The following MED13L variants were observed in gnomAD, a reference collection of about 807,000 sequenced individuals.
MED13L encodes the protein mediator of RNA polymerase II transcription subunit 13-like.
A neutral mutation model predicts 220.9 loss-of-function variants in MED13L; 7 were observed. The observed-to-expected ratio is 0.03, with a 90% CI of 0.02 to 0.06. MED13L has a LOEUF of 0.06. Ranked by LOEUF, MED13L falls within the 10% of genes least tolerant of loss-of-function variation. MED13L has a pLI of 1.00. For synonymous variants in MED13L, 1,011 were observed against 1,015.2 expected (o/e 1.00, Z 0.08); for missense variants, 1,965 against 2,760.5 (o/e 0.71, Z 6.46).
intron 16 of MED13L, among the ~76,000 whole-genome samples, chr12:115,994,464 A>AAAAAACAAAAAC (rs534564932): frequency 1.3e-5 from 2 of 152,054 alleles, no homozygotes; most frequent in Non-Finnish European, 2.9e-5. Flanking sequence ...AAACCCCCCC[A>AAAAAACAAAAAC]AAAAACAAAA....
chr12:116,160,585 TAA>T (rs113005311), intron 2 of MED13L, among the ~76,000 whole-genome samples: 10 of 139,630 alleles, frequency 7.2e-5, no homozygotes, highest in Admixed American at 1.4e-4. Context: ...AACTTTAATT[TAA>T]AAAAAAAAAA....
At chr12:116,276,260 G>A (rs945547605) in intron 1 of MED13L, among the ~76,000 whole-genome samples, 1 of 151,290 alleles carries the variant, frequency 6.6e-6, no homozygotes, top group Non-Finnish European at 1.5e-5. Flanking sequence ...CGCGAGAGAG[G>A]CGAAGGCAGA....
intron 20 of MED13L, 124 bp from the exon 21 acceptor site, chr12:115,983,664 C>T (rs1274299403): frequency 2.0e-6 from 2 of 1,004,446 alleles, no homozygotes; most frequent in East Asian, 2.6e-5. Context: ...GATTACAATA[C>T]CCAAAATACT....
At position 116,079,161 on chromosome 12, in the gene MED13L, GTTTA is replaced by G. The variant is rs1871039127; in HGVS notation, c.479+17504_479+17507del. Among the ~76,000 whole-genome samples, 6 of 152,216 alleles carry G rather than the reference GTTTA, an allele frequency of 3.9e-5. No individual in the cohort carries two copies. The South Asian group carries it at 1.2e-3, about 32-fold the overall frequency. On this transcript the variant is annotated intron_variant, in intron 4 of 30. Coordinates refer to ENST00000281928, the MANE Select transcript of MED13L (RefSeq NM_015335.5). ...AATCATTTATGTTAACATGCAGTGG[GTTTA>G]TTATTATTACTATTTTAAAAGTCAG...
In MED13L at chr12:116,009,040, G is replaced by T. The variant is rs1322901904; in HGVS notation, c.1373C>A (p.Ser458Tyr). Residue 458 changes from serine (S) to tyrosine (Y), a missense_variant, in exon 10 of 31, where the codon TCT becomes TAT. Transcript: ENST00000281928. ...GFSAGPSSSSSLPPPASSKHK... is the reference protein window; with the variant it reads ...GFSAGPSSSSYLPPPASSKHK... ...CTTAGAAGAAGCAGGAGGTGGTAAA[G>T]ATGAAGATGATGATGGTCCTGCACT... The T allele has an allele frequency of 6.2e-7, 1 of 1,614,140 alleles. No homozygotes were observed. The highest frequency in any genetic ancestry group is 8.5e-7 in the Non-Finnish European group (1 of 1,180,008).
intron 19 of MED13L, among the ~76,000 whole-genome samples, chr12:115,984,999 G>A (rs552437517): frequency 5.3e-5 from 8 of 152,036 alleles, no homozygotes; most frequent in Non-Finnish European, 1.2e-4. Context: ...AGGAGAGCCC[G>A]TATTATTATC....
At chr12:116,207,985 T>A (rs1008515834) in intron 2 of MED13L, among the ~76,000 whole-genome samples, 2 of 152,170 alleles carry the variant, frequency 1.3e-5, no homozygotes, top group African/African-American at 4.8e-5. Context: ...AGGGAACATG[T>A]TGTCATACCA....
At chr12:116,092,331 C>A (rs1333157084) in intron 4 of MED13L, among the ~76,000 whole-genome samples, 1 of 152,118 alleles carries the variant, frequency 6.6e-6, no homozygotes, top group Non-Finnish European at 1.5e-5. Context: ...TCTCTAAAAG[C>A]TAAATAACAC....
intron 2 of MED13L, among the ~76,000 whole-genome samples, chr12:116,158,293 T>C (rs1878597570): frequency 1.3e-5 from 2 of 152,164 alleles, no homozygotes; most frequent in Admixed American, 1.3e-4. Context: ...GGATGGGATA[T>C]TTGAGGCATT....
intron 2 of MED13L, among the ~76,000 whole-genome samples, chr12:116,220,666 T>C (rs1045689533): frequency 9.2e-5 from 14 of 152,174 alleles, no homozygotes; most frequent in African/African-American, 3.4e-4. Context: ...GCCATTGCAC[T>C]CCAGCCTAGG....
chr12:116,271,334 T>A (rs1357456271), intron 1 of MED13L, among the ~76,000 whole-genome samples: 1 of 152,064 alleles, frequency 6.6e-6, no homozygotes, highest in East Asian at 1.9e-4. Flanking sequence ...GGCACGCCTG[T>A]AATCCCAGCA....
At chr12:115,994,020 C>A (rs774272252) in intron 16 of MED13L, among the ~76,000 whole-genome samples, 30 of 152,164 alleles carry the variant, frequency 2.0e-4, no homozygotes, top group Non-Finnish European at 4.0e-4. Flanking sequence ...ATAAGGTAGC[C>A]ACCAGTCCCC....
At chr12:116,208,098 T>C (rs1290265483) in intron 2 of MED13L, among the ~76,000 whole-genome samples, 2 of 152,206 alleles carry the variant, frequency 1.3e-5, no homozygotes, top group Non-Finnish European at 1.5e-5. Flanking sequence ...AATTTAAACA[T>C]CGAGAAGGAT....
intron 2 of MED13L, among the ~76,000 whole-genome samples, chr12:116,215,330 A>G (rs899526010): frequency 1.3e-5 from 2 of 152,190 alleles, no homozygotes; most frequent in Admixed American, 1.3e-4. Context: ...GAAATCTGTT[A>G]CTACATATTC....
intron 2 of MED13L, among the ~76,000 whole-genome samples, chr12:116,148,989 T>G (rs1011529272): frequency 1.1e-4 from 16 of 152,150 alleles, no homozygotes; most frequent in African/African-American, 3.6e-4. Context: ...TCCCACCTAT[T>G]TGTTCAGTTT....
chr12:116,147,759 A>G (rs539989911), intron 2 of MED13L, among the ~76,000 whole-genome samples: 1 of 152,270 alleles, frequency 6.6e-6, no homozygotes, highest in South Asian at 2.1e-4. Flanking sequence ...TCATCCTTAT[A>G]TTGTTCAAAT....
intron 4 of MED13L, among the ~76,000 whole-genome samples, chr12:116,075,653 C>T (rs1251977424): frequency 6.6e-6 from 1 of 152,180 alleles, no homozygotes; most frequent in African/African-American, 2.4e-5. Context: ...TTGTAGCTTT[C>T]GATCCTGCCA....
At chr12:116,020,446 C>A (rs1240433616) in intron 5 of MED13L, among the ~76,000 whole-genome samples, 2 of 152,154 alleles carry the variant, frequency 1.3e-5, no homozygotes, top group Non-Finnish European at 1.5e-5. Context: ...GCAAATGCTG[C>A]CTAAAACTTG....
At chr12:116,204,495 CG>C in intron 2 of MED13L, among the ~76,000 whole-genome samples, 1 of 152,222 alleles carries the variant, frequency 6.6e-6, no homozygotes, top group East Asian at 1.9e-4. Context: ...TATTTTTCAG[CG>C]TAGATGGATG....
Sources: gnomAD v4.1 joint callset for allele counts (sites outside exome capture counted in the v4.1 genomes callset) on GRCh38, gnomAD v4.1.1 for gene constraint, MANE v1.5 for transcripts, NCBI Gene and HGNC (gene_info 2026-07-23, HGNC 2026-07-21) for gene names.